ERBB2: variants seen among roughly 807,000 people sequenced by gnomAD.
The protein encoded by ERBB2 is erb-b2 receptor tyrosine kinase 2.
ERBB2 carries 61 observed loss-of-function variants against 149.0 expected under a neutral mutation model. That is an observed-to-expected ratio of 0.41 (90% CI 0.33 to 0.51). ERBB2 has a LOEUF of 0.51. Among genes scored for constraint, ERBB2 ranks in the 20% least tolerant of loss-of-function variants. The pLI is 0.25. For synonymous variants in ERBB2, 633 were observed against 678.8 expected (o/e 0.93, Z 1.05); for missense variants, 1,205 against 1,655.1 (o/e 0.73, Z 4.72).
At chr17:39,717,547 C>A (rs944057322) in intron 15 of ERBB2, 67 bp downstream of exon 15, 8 of 1,359,242 alleles carry the variant, frequency 5.9e-6, no homozygotes, top group Non-Finnish European at 7.1e-6. Context: ...GGGGCTCTTA[C>A]TATAAAAGGG....
chr17:39,728,240 G>T lies in ERBB2; in HGVS notation c.*196G>T, dbSNP rs756776172. 1.8e-6 allele frequency: 1 copy of T among 541,422 alleles called. No homozygotes were observed. Among genetic ancestry groups the T allele is most frequent in the Non-Finnish European group, 3.3e-6 (1 of 303,814 alleles). 33.5% of individuals were successfully genotyped at this position (541,422 alleles called of 1,614,324 possible). On this transcript the variant is annotated 3_prime_UTR_variant, in exon 27 of 27. Coordinates refer to ENST00000269571, the MANE Select transcript of ERBB2 (RefSeq NM_004448.4). The stretch of plus-strand genomic sequence containing the variant: ...TGGAAGGGGTCCAGCCTCGTTGGAA[G>T]AGGAACAGCACTGGGGAGTCTTTGT...
At chr17:39,712,983 G>A (rs2058898714) in intron 9 of ERBB2, among the ~76,000 whole-genome samples, 1 of 152,128 alleles carries the variant, frequency 6.6e-6, no homozygotes, top group South Asian at 2.1e-4. Flanking sequence ...GTTGCCCCAG[G>A]GTGGGGGGCT....
Position 39,725,226 on chromosome 17 carries a change from C to G in ERBB2, c.2649+22C>G, listed in dbSNP as rs770688418. 1.2e-6 allele frequency: 2 copies of G among 1,614,022 alleles called. No homozygotes were observed. Among genetic ancestry groups the G allele is most frequent in the Non-Finnish European group, 1.7e-6 (2 of 1,179,974 alleles). On this transcript the variant is annotated intron_variant, in intron 21 of 26. Coordinates refer to ENST00000269571, the MANE Select transcript of ERBB2 (RefSeq NM_004448.4). The surrounding 1 kb of genome is among the most constrained non-coding windows in gnomAD (Gnocchi z 4.6). ...CAAGGTTAGGTGAAGGACCAAGGAG[C>G]AGAGGAGGCTGGGTGGAGTGGTGTC... is the stretch of plus-strand genomic sequence containing the variant.
intron 14 of ERBB2, 121 bp from the exon 15 acceptor site, chr17:39,717,199 A>G (rs530246129): frequency 5.4e-6 from 4 of 739,560 alleles, no homozygotes; most frequent in African/African-American, 3.6e-5. Context: ...TCCCAGGAGC[A>G]TGGCGAAAAT....
In ERBB2 at chr17:39,723,270, T is replaced by G; in HGVS notation, c.1947-49T>G. On this transcript the variant is annotated intron_variant, in intron 16 of 26. Coordinates refer to ENST00000269571, the MANE Select transcript of ERBB2 (RefSeq NM_004448.4). This position sits in a 1 kb window ranked among gnomAD's most constrained non-coding sequence, Gnocchi z 6.2. ...GTCCCCCGTGGGCCCCCTTTGTCCC[T>G]CCCACCCCAAACTAGCCCTCAATCC... 3 of 1,196,542 alleles carry G rather than the reference T, an allele frequency of 2.5e-6. No homozygotes were observed. Among genetic ancestry groups the G allele is most frequent in the Non-Finnish European group, 2.4e-6 (2 of 847,122 alleles). 74.1% of individuals were successfully genotyped at this position (1,196,542 alleles called of 1,614,324 possible).
Position 39,723,741 on chromosome 17 carries a change from A to C in ERBB2, c.2208+81A>C. The C allele has an allele frequency of 6.5e-7, 1 of 1,547,490 alleles. No homozygotes were observed. The highest frequency in any genetic ancestry group is 8.7e-7 in the Non-Finnish European group (1 of 1,142,870). On this transcript the variant is annotated intron_variant, in intron 18 of 26. Coordinates refer to ENST00000269571, the MANE Select transcript of ERBB2 (RefSeq NM_004448.4). The surrounding 1 kb of genome is among the most constrained non-coding windows in gnomAD (Gnocchi z 6.2). ...GGGTGTGGTCGGCAGTTCTGATGGG[A>C]GGGGCAAGAGCTGGAGGCAGTGTTT... is the stretch of plus-strand genomic sequence containing the variant.
intron 2 of ERBB2, among the ~76,000 whole-genome samples, chr17:39,689,560 A>G (rs2057645455): frequency 6.6e-6 from 1 of 152,022 alleles, no homozygotes; most frequent in Admixed American, 6.6e-5. Context: ...ATGGACATTT[A>G]GGATTAAAGA....
chr17:39,696,921 G>GC (rs1474201934), upstream of ERBB2: 1 of 152,390 alleles, frequency 6.6e-6, no homozygotes, highest in East Asian at 1.9e-4. Flanking sequence ...TCATCCAGGT[G>GC]CAAGCCCTCC....
At chr17:39,718,910 A>G (rs796747454) in intron 15 of ERBB2, among the ~76,000 whole-genome samples, 44 of 152,350 alleles carry the variant, frequency 2.9e-4, no homozygotes, top group East Asian at 9.6e-4. Flanking sequence ...AATGTTTATC[A>G]CAAGGATATA....
upstream of ERBB2, among the ~76,000 whole-genome samples, chr17:39,691,934 C>CATATATATATATATATAT (rs57592884): frequency 6.6e-4 from 80 of 120,844 alleles, no homozygotes; most frequent in African/African-American, 2.8e-3. Context: ...TATACATATA[C>CATATATATATATATATAT]ATATATATAT....
rs2059659284 is a variant in ERBB2 at position 39,724,821 on chromosome 17, G to A, written c.2403G>A (p.Met801Ile). 1 of 1,614,112 alleles carries A rather than the reference G, an allele frequency of 6.2e-7. No homozygotes were observed. The highest frequency in any genetic ancestry group is 8.5e-7 in the Non-Finnish European group (1 of 1,180,052). Reference sequence around the variant, plus strand: ...CGGTGCAGCTGGTGACACAGCTTATGCCCTATGGCTGCCTCTTAGACCATG... The same window carrying A: ...CGGTGCAGCTGGTGACACAGCTTATACCCTATGGCTGCCTCTTAGACCATG... ...TSTVQLVTQL[M>I]PYGCLLDHVR... The change falls in exon 20 of 27, where the codon ATG becomes ATA. Residue 801 changes from methionine (M) to isoleucine (I), a missense_variant. Physicochemically the swap from Met to Ile is conservative, Grantham distance 10. This residue lies in a region of ERBB2 where 152 missense variants were observed against 318.1 expected (regional missense o/e 0.48). Transcript: ENST00000269571.
At chr17:39,720,378 TAG>T (rs2059382106) in intron 16 of ERBB2, 1 of 155,784 alleles carries the variant, frequency 6.4e-6, no homozygotes, top group Admixed American at 6.2e-5. Context: ...GGGGTCAAGT[TAG>T]AGTCAGGGTG....
chr17:39,725,771 G>T lies in ERBB2; in HGVS notation c.2790G>T (p.Glu930Asp), dbSNP rs138957632. The T allele has an allele frequency of 3.3e-4, 525 of 1,613,612 alleles. 1 individual carries two copies. The highest frequency in any genetic ancestry group is 2.8e-4 in the Admixed American group (17 of 59,826). Residue 930 changes from glutamate (E) to aspartate (D), a missense_variant, in exon 23 of 27, where the codon GAG becomes GAT. Around this residue, in one of 6 missense-constraint regions of ERBB2, gnomAD observed 63 missense variants for 74.2 expected, o/e 0.85. Coordinates refer to ENST00000269571, the MANE Select transcript of ERBB2 (RefSeq NM_004448.4). This position sits in a 1 kb window ranked among gnomAD's most constrained non-coding sequence, Gnocchi z 4.6. ...CTTACGATGGGATCCCAGCCCGGGA[G>T]ATCCCTGACCTGCTGGAAAAGGGGG... Reference protein sequence around the residue: ...AKPYDGIPAREIPDLLEKGER... With the variant: ...AKPYDGIPARDIPDLLEKGER...
upstream of ERBB2, among the ~76,000 whole-genome samples, chr17:39,693,737 A>G (rs547482109): frequency 1.3e-5 from 2 of 151,316 alleles, no homozygotes; most frequent in African/African-American, 4.9e-5. Context: ...CAGCCTGGAC[A>G]ACAGAGCGAG....
At chr17:39,724,959 TC>T in intron 20 of ERBB2, 48 bp downstream of exon 20, 3 of 1,607,008 alleles carry the variant, frequency 1.9e-6, no homozygotes, top group Non-Finnish European at 2.6e-6. Context: ...AACCCCTATG[TC>T]CACAAGGGGC....
At chr17:39,724,141 CG>C in intron 19 of ERBB2, 131 bp downstream of exon 19, 1 of 636,422 alleles carries the variant, frequency 1.6e-6, no homozygotes, top group Non-Finnish European at 2.7e-6. Context: ...TTTTTGGAGA[CG>C]GAGTCTTGCT....
chr17:39,696,676 G>A (rs983403834), upstream of ERBB2: 45 of 152,234 alleles, frequency 3.0e-4, no homozygotes, highest in African/African-American at 9.7e-4. Flanking sequence ...CTGCAAAATG[G>A]GGAATGATAA....
chr17:39,714,969 C>T (rs1454705775), intron 9 of ERBB2, among the ~76,000 whole-genome samples: 4 of 152,032 alleles, frequency 2.6e-5, no homozygotes. Flanking sequence ...GGGGTTTCAC[C>T]ATGTTGGCCA....
intron 9 of ERBB2, among the ~76,000 whole-genome samples, chr17:39,714,049 C>T (rs185544969): frequency 7.7e-4 from 103 of 134,596 alleles, no homozygotes; most frequent in African/African-American, 2.5e-3. Flanking sequence ...CAGAATGAGA[C>T]CCTGTCTCAA....
Sources: allele counts gnomAD v4.1 joint callset (sites outside exome capture counted in the v4.1 genomes callset), GRCh38; gene constraint gnomAD v4.1.1; regional missense constraint gnomAD v4.1.1; non-coding constraint Gnocchi (gnomAD v3.1); transcripts MANE v1.5; gene names NCBI Gene and HGNC (gene_info 2026-07-23, HGNC 2026-07-21).